The following C2CD5 variants were observed in gnomAD, a reference collection of about 807,000 sequenced individuals.
The protein encoded by C2CD5 is C2 calcium dependent domain containing 5, also known as C2 domain-containing protein 5.
In C2CD5, 109 loss-of-function variants were observed where a neutral mutation model predicts 130.3. The ratio of observed to expected loss-of-function variants is 0.84; its 90% CI spans 0.72 to 0.98. The LOEUF (loss-of-function observed/expected upper bound fraction) is 0.98, where lower values mean the gene tolerates loss of function less well. C2CD5 is among the 50% of genes least tolerant of loss of function. C2CD5 has a pLI of 0.00. For missense variants in C2CD5, 996 were observed against 1,261.8 expected (o/e 0.79, Z 3.19); for synonymous variants, 454 against 429.2 (o/e 1.06, Z -0.71).
At chr12:22,527,626 C>A (rs1591996840) in intron 4 of C2CD5, 95 bp downstream of exon 4, 2 of 734,106 alleles carry the variant, frequency 2.7e-6, no homozygotes. Flanking sequence ...CCTAAAGATA[C>A]ATATTTTAAA....
intron 26 of C2CD5, among the ~76,000 whole-genome samples, chr12:22,453,402 ATTATC>A (rs886773713): frequency 1.2e-4 from 19 of 152,354 alleles, no homozygotes; most frequent in African/African-American, 4.3e-4. Context: ...TTTTAAGTGA[ATTATC>A]TTAACACAAA....
chr12:22,523,606 A>G lies in C2CD5; in HGVS notation c.620T>C (p.Ile207Thr). The change falls in exon 7 of 27, where the codon ATT becomes ACT. Residue 207 changes from isoleucine (I) to threonine (T), a missense_variant. This residue lies in a region of C2CD5 where 26 missense variants were observed against 56.6 expected (regional missense o/e 0.46). Coordinates refer to ENST00000446597, the MANE Select transcript of C2CD5 (RefSeq NM_001286176.2). ...SLMSGELQRK[I>T]GLKVLEMRGN... ...TCTCATTTCAAGTACTTTCAAGCCAATCTTCCTCTGCAGCTCACCTACAAA... is the reference window on the plus strand; with the variant it reads ...TCTCATTTCAAGTACTTTCAAGCCAGTCTTCCTCTGCAGCTCACCTACAAA... 1.2e-6 allele frequency: 2 copies of G among 1,613,414 alleles called. No homozygotes were observed. The highest frequency in any genetic ancestry group is 8.5e-7 in the Non-Finnish European group (1 of 1,179,828).
intron 9 of C2CD5, 99 bp from the exon 10 acceptor site, chr12:22,506,918 T>C: frequency 2.8e-6 from 2 of 715,392 alleles, no homozygotes; most frequent in Non-Finnish European, 5.1e-6. Context: ...TTACATCCCT[T>C]GAAATAAAAG....
intron 22 of C2CD5, among the ~76,000 whole-genome samples, chr12:22,462,496 A>G (rs1941349016): frequency 6.6e-6 from 1 of 152,206 alleles, no homozygotes; most frequent in Non-Finnish European, 1.5e-5. Flanking sequence ...CTATGGTTTT[A>G]TAATTCCCCT....
At position 22,453,931 on chromosome 12, in the gene C2CD5, G is replaced by GC. The variant is rs1228001984; in HGVS notation, c.2988dup (p.Gln997AlafsTer10). 6.2e-7 allele frequency: 1 copy of GC among 1,613,390 alleles called. No homozygotes were observed. Among genetic ancestry groups the GC allele is most frequent in the Admixed American group, 1.7e-5 (1 of 59,992 alleles). On this transcript the variant is annotated frameshift_variant, in exon 26 of 27. Transcript: ENST00000446597. LOFTEE classifies it high-confidence loss of function. ...TTTGGATTCTCCATGAAGACACACT[G>GC]CTTCATTATGTAGGAGACAACAGCA...
At position 22,544,520 on chromosome 12, in the gene C2CD5, G is replaced by A. The variant is rs1952764204; in HGVS notation, c.-230C>T. 5.3e-6 allele frequency: 1 copy of A among 188,580 alleles called. No homozygotes were observed. Among genetic ancestry groups the A allele is most frequent in the East Asian group, 1.7e-4 (1 of 6,004 alleles). 11.7% of individuals were successfully genotyped at this position (188,580 alleles called of 1,614,324 possible). On this transcript the variant is annotated 5_prime_UTR_variant, in exon 1 of 27. Coordinates refer to ENST00000446597, the MANE Select transcript of C2CD5 (RefSeq NM_001286176.2). ...CCGCTCTCAAAAATGGCGGCTCTCG[G>A]GGCGCGGAAGAAAGCATCGATCGTT...
chr12:22,509,759 C>T (rs1175208023), intron 9 of C2CD5, among the ~76,000 whole-genome samples: 1 of 152,180 alleles, frequency 6.6e-6, no homozygotes, highest in African/African-American at 2.4e-5. Flanking sequence ...CTATTATCTC[C>T]ATTTTTTATA....
chr12:22,454,102 C>A, intron 25 of C2CD5, 60 bp from the exon 26 acceptor site: 2 of 1,310,586 alleles, frequency 1.5e-6, no homozygotes, highest in Non-Finnish European at 2.2e-6. Flanking sequence ...TATAGGAATG[C>A]ACACAAAATG....
At chr12:22,503,953 AT>A (rs1259550595) in intron 10 of C2CD5, among the ~76,000 whole-genome samples, 1 of 152,250 alleles carries the variant, frequency 6.6e-6, no homozygotes, top group African/African-American at 2.4e-5. Context: ...CTTTTGGGAA[AT>A]AATCCATTAA....
rs1477052761 is a variant in C2CD5 at position 22,482,704 on chromosome 12, A to G, written c.1590T>C (p.Asn530=). 3.7e-6 allele frequency: 6 copies of G among 1,613,706 alleles called. No homozygotes were observed. Among genetic ancestry groups the G allele is most frequent in the Non-Finnish European group, 5.1e-6 (6 of 1,179,764 alleles). The change falls in exon 14 of 27, where the codon AAT becomes AAC. Residue 530 remains asparagine, a synonymous_variant. Transcript: ENST00000446597. ...RLKKKAQAEA[N]ATAISNLLPF... ...GCAAGAGATTACTGATAGCTGTAGC[A>G]TTTGCTTCTGCCTGTGCTTTCTTTT...
intron 19 of C2CD5, among the ~76,000 whole-genome samples, 186 bp downstream of exon 19, chr12:22,471,781 A>C (rs926422417): frequency 6.6e-6 from 1 of 152,024 alleles, no homozygotes; most frequent in Non-Finnish European, 1.5e-5. Flanking sequence ...TATTTCTTTT[A>C]TAATTTGATA....
At chr12:22,507,492 T>A (rs1018964136) in intron 9 of C2CD5, among the ~76,000 whole-genome samples, 2 of 152,186 alleles carry the variant, frequency 1.3e-5, no homozygotes, top group African/African-American at 4.8e-5. Context: ...TTCCACAAGT[T>A]CTTGCAAGCT....
In C2CD5 at chr12:22,478,384, T is replaced by C. The variant is rs1007548243; in HGVS notation, c.1831A>G (p.Ile611Val). ...TPNDGSYEQH[I>V]SHMQKKINDT... ...TTTATCTTCTTCTGCATATGAGAGA[T>C]GTGTTGTTCATATGAGCCATCATTA... Residue 611 changes from isoleucine (I) to valine (V), a missense_variant, in exon 15 of 27, where the codon ATC (isoleucine) becomes GTC (valine). Physicochemically the swap from Ile to Val is conservative, Grantham distance 29. Transcript: ENST00000446597. 12 of 1,610,856 alleles carry C rather than the reference T, an allele frequency of 7.4e-6. No homozygotes were observed. The highest frequency in any genetic ancestry group is 2.7e-5 in the African/African-American group (2 of 74,990).
intron 2 of C2CD5, 37 bp from the exon 3 acceptor site, chr12:22,535,381 C>T (rs376583149): frequency 3.6e-6 from 4 of 1,098,420 alleles, no homozygotes; most frequent in Non-Finnish European, 5.5e-6. Flanking sequence ...ATATGAATAT[C>T]AAAAATGTGA....
At position 22,472,024 on chromosome 12, in the gene C2CD5, G is replaced by A. The variant is rs1458366064; in HGVS notation, c.2211C>T (p.Asn737=). 1 of 1,608,360 alleles carries A rather than the reference G, an allele frequency of 6.2e-7. No individual in the cohort carries two copies. The highest frequency in any genetic ancestry group is 1.7e-5 in the Admixed American group (1 of 59,684). Residue 737 remains asparagine (N), a synonymous_variant, in exon 19 of 27, where the codon AAC becomes AAT. Coordinates refer to ENST00000446597, the MANE Select transcript of C2CD5 (RefSeq NM_001286176.2). ...SVRVIRLSSL[N]LTNQALNKNF... Reference sequence around the variant, plus strand: ...TCTTATTGAGAGCTTGATTAGTCAGGTTGAGGCTGCTTAATCTGATTACTC... The same window carrying A: ...TCTTATTGAGAGCTTGATTAGTCAGATTGAGGCTGCTTAATCTGATTACTC...
In C2CD5 at chr12:22,519,184, T is replaced by G. The variant is rs768161587; in HGVS notation, c.801-1047A>C. ...AGTCGTGAGCCAGTAGCAGTGTGAA[T>G]TGGGCTGTTGTGAGTCGAGCGGCAT... On this transcript the variant is annotated intron_variant, in intron 7 of 26. Coordinates refer to ENST00000446597, the MANE Select transcript of C2CD5 (RefSeq NM_001286176.2). 6 of 1,535,638 alleles carry G rather than the reference T, an allele frequency of 3.9e-6. No homozygotes were observed. The African/African-American group carries it at 8.2e-5, about 21-fold the overall frequency.
At position 22,523,419 on chromosome 12, in the gene C2CD5, T is replaced by C. The variant is rs1950440553; in HGVS notation, c.800+7A>G. 6.2e-7 allele frequency: 1 copy of C among 1,605,452 alleles called. No homozygotes were observed. Among genetic ancestry groups the C allele is most frequent in the South Asian group, 1.1e-5 (1 of 90,898 alleles). On this transcript the variant is annotated splice_region_variant and intron_variant, in intron 7 of 26. Coordinates refer to ENST00000446597, the MANE Select transcript of C2CD5 (RefSeq NM_001286176.2). Reference sequence around the variant, plus strand: ...TAGCAAGAACAATTTCATTGATTCATACTTACTCCTTCATTTCTTTGGATG... The same window carrying C: ...TAGCAAGAACAATTTCATTGATTCACACTTACTCCTTCATTTCTTTGGATG...
chr12:22,474,768 CT>C lies in C2CD5; in HGVS notation c.2025del (p.Asp676MetfsTer40). ...CACATTACCTCCAAAACAAAAGCAT[CT>C]TTTTTCCCATGTGAAAGGTCTAATT... is the stretch of plus-strand genomic sequence containing the variant. ...VTELDLSHGK[K>X]DAFVLEIDDT... On this transcript the variant is annotated frameshift_variant, in exon 16 of 27. Coordinates refer to ENST00000446597, the MANE Select transcript of C2CD5 (RefSeq NM_001286176.2). LOFTEE classifies it high-confidence loss of function. The C allele has an allele frequency of 1.2e-6, 2 of 1,601,628 alleles. No individual in the cohort carries two copies. Among genetic ancestry groups the C allele is most frequent in the Non-Finnish European group, 1.7e-6 (2 of 1,174,396 alleles).
chr12:22,505,254 C>T (rs11837405), intron 10 of C2CD5, among the ~76,000 whole-genome samples: 3,812 of 106,338 alleles, frequency 0.036, 89 homozygotes, highest in South Asian at 0.063. Flanking sequence ...TTCTTTCTTT[C>T]TTTTTTTTTT....
Sources: allele counts gnomAD v4.1 joint callset (sites outside exome capture counted in the v4.1 genomes callset), GRCh38; gene constraint gnomAD v4.1.1; regional missense constraint gnomAD v4.1.1; transcripts MANE v1.5; gene names NCBI Gene and HGNC (gene_info 2026-07-23, HGNC 2026-07-21).